The following TMEM200A variants were observed in gnomAD, a reference collection of about 807,000 sequenced individuals.
TMEM200A encodes transmembrane protein 200A, also known as two transmembrane C.
In TMEM200A, 12 loss-of-function variants were observed where a neutral mutation model predicts 24.3. The observed-to-expected ratio is 0.49, with a 90% CI of 0.32 to 0.80. The LOEUF (loss-of-function observed/expected upper bound fraction) is 0.80, where lower values mean the gene tolerates loss of function less well. Ranked by LOEUF, TMEM200A falls within the 30% of genes least tolerant of loss-of-function variation. TMEM200A has a pLI of 0.04. For synonymous variants in TMEM200A, 224 were observed against 224.4 expected, an observed-to-expected ratio of 1.00 and a Z score of 0.02; for missense variants, 545 against 614.4, an observed-to-expected ratio of 0.89 and a Z score of 1.19.
chr6:130,414,345 T>G (rs193229021), intron 2 of TMEM200A, among the ~76,000 whole-genome samples: 1 of 145,872 alleles, frequency 6.9e-6, no homozygotes, highest in Admixed American at 7.1e-5. Context: ...GGCAGGAGAA[T>G]CACTTGAACC....
chr6:130,375,324 A>G (rs971616692), intron 1 of TMEM200A, among the ~76,000 whole-genome samples: 4 of 151,920 alleles, frequency 2.6e-5, no homozygotes, highest in African/African-American at 4.9e-5. Context: ...TTATGCCTAT[A>G]CATTTATTTA....
intron 2 of TMEM200A, among the ~76,000 whole-genome samples, chr6:130,418,384 GCTT>G (rs1398108865): frequency 6.6e-6 from 1 of 152,078 alleles, no homozygotes; most frequent in Non-Finnish European, 1.5e-5. Flanking sequence ...CAAAATTATT[GCTT>G]TTTTCTAGAG....
At chr6:130,382,008 T>C (rs1310769575) in intron 1 of TMEM200A, 1 of 974,818 alleles carries the variant, frequency 1.0e-6, no homozygotes, top group Non-Finnish European at 1.2e-6. Flanking sequence ...TTTAAAGATA[T>C]ATTGTGAACC....
rs1269433993 is a variant in TMEM200A, at chr6:130,378,717, C to T, written c.-80-6456C>T. The stretch of plus-strand genomic sequence containing the variant: ...CAGCCTGGGTGACAGAGTGAGACTC[C>T]GTCTCAAAAAAAAAAAAAAAAAAAA... On this transcript the variant is annotated intron_variant, in intron 1 of 2. Transcript: ENST00000296978. 8.3e-4 allele frequency among the ~76,000 whole-genome samples: 109 copies of T among 130,646 alleles called. 1 individual carries two copies. Among genetic ancestry groups the T allele is most frequent in the Non-Finnish European group, 3.3e-4 (21 of 63,518 alleles). The allele number at this position is 130,646 out of a possible 152,430, so 85.7% of individuals were successfully genotyped here.
At chr6:130,398,853 G>A (rs1779016910) in intron 2 of TMEM200A, among the ~76,000 whole-genome samples, 1 of 151,776 alleles carries the variant, frequency 6.6e-6, no homozygotes, top group African/African-American at 2.4e-5. Context: ...TTGCTATTTA[G>A]TGATTAGTTT....
intron 1 of TMEM200A, among the ~76,000 whole-genome samples, chr6:130,368,120 A>G (rs776972426): frequency 6.6e-6 from 1 of 152,190 alleles, no homozygotes; most frequent in Non-Finnish European, 1.5e-5. Context: ...ACTTAGTGGA[A>G]TTTTTAGTGA....
chr6:130,366,120 C>T lies in TMEM200A; in HGVS notation c.-485C>T, dbSNP rs1270753818. The T allele has an allele frequency of 1.0e-6, 1 of 985,366 alleles. No individual in the cohort carries two copies. The highest frequency in any genetic ancestry group is 1.7e-5 in the African/African-American group (1 of 57,246). The allele number at this position is 985,366 out of a possible 1,614,324, so 61.0% of individuals were successfully genotyped here. A position where few individuals can be genotyped will look rare whatever the true frequency, so the allele number is the denominator to read the frequency against. On this transcript the variant is annotated 5_prime_UTR_variant, in exon 1 of 3. Coordinates refer to ENST00000296978, the MANE Select transcript of TMEM200A (RefSeq NM_001258277.2). The surrounding 1 kb of genome is among the most constrained non-coding windows in gnomAD (Gnocchi z 4.4). ...CTGAGCGGCGACTCCCTCTCCCCTG[C>T]CCGGCTTGCTGCGCCCGGTGCCCTC...
At chr6:130,424,478 A>G (rs1226312678) in intron 2 of TMEM200A, among the ~76,000 whole-genome samples, 1 of 152,046 alleles carries the variant, frequency 6.6e-6, no homozygotes, top group Non-Finnish European at 1.5e-5. Context: ...ATAATTTAAA[A>G]CTTCTTGGCA....
chr6:130,408,823 C>G (rs1411235598), intron 2 of TMEM200A, among the ~76,000 whole-genome samples: 4 of 152,020 alleles, frequency 2.6e-5, no homozygotes, highest in Non-Finnish European at 4.4e-5. Flanking sequence ...GCATTGACAC[C>G]ATTGATGAGG....
intron 1 of TMEM200A, among the ~76,000 whole-genome samples, chr6:130,372,188 G>A (rs1020261481): frequency 7.9e-5 from 12 of 152,110 alleles, no homozygotes; most frequent in Admixed American, 6.6e-5. Flanking sequence ...AGCAGGACAA[G>A]GTCAATATCA....
At chr6:130,411,167 C>CAA (rs530219251) in intron 2 of TMEM200A, among the ~76,000 whole-genome samples, 52 of 130,140 alleles carry the variant, frequency 4.0e-4, no homozygotes, top group Non-Finnish European at 5.7e-4. Flanking sequence ...AACTCCATCT[C>CAA]AAAAAAAAAA....
chr6:130,417,132 T>C lies in TMEM200A; in HGVS notation c.-16-23275T>C, dbSNP rs117746780. ...TGCCTTTCCACTCAAGATTTAGATC[T>C]AAGAAGGTGAGGATCAAGTCTGAGT... On this transcript the variant is annotated intron_variant, in intron 2 of 2. Transcript: ENST00000296978. Among the ~76,000 whole-genome samples the C allele has an allele frequency of 3.2e-3, 493 of 152,304 alleles. 3 individuals carry two copies. The highest frequency in any genetic ancestry group is 5.9e-3 in the Non-Finnish European group (404 of 68,026).
intron 2 of TMEM200A, among the ~76,000 whole-genome samples, chr6:130,398,432 A>G (rs1169849273): frequency 7.2e-6 from 1 of 139,272 alleles, no homozygotes; most frequent in African/African-American, 3.1e-5. Context: ...TGAACATACC[A>G]GTGCATGTGG....
chr6:130,438,539 C>T (rs1166563769), intron 2 of TMEM200A: 1 of 152,152 alleles, frequency 6.6e-6, no homozygotes, highest in Non-Finnish European at 1.5e-5. Context: ...ATTTTACCAA[C>T]TCAGAAAATG....
At chr6:130,414,303 G>A (rs913850750) in intron 2 of TMEM200A, among the ~76,000 whole-genome samples, 1 of 151,596 alleles carries the variant, frequency 6.6e-6, no homozygotes, top group Non-Finnish European at 1.5e-5. Context: ...GTGGTGTTGG[G>A]CGCCTGTAAT....
chr6:130,415,969 T>C (rs1242096414), intron 2 of TMEM200A, among the ~76,000 whole-genome samples: 1 of 152,216 alleles, frequency 6.6e-6, no homozygotes, highest in African/African-American at 2.4e-5. Flanking sequence ...GTGGCTTTTT[T>C]TCTTTTTATC....
At chr6:130,400,061 T>TAC (rs906565489) in intron 2 of TMEM200A, among the ~76,000 whole-genome samples, 5 of 151,734 alleles carry the variant, frequency 3.3e-5, no homozygotes, top group African/African-American at 1.2e-4. Flanking sequence ...TATATATACA[T>TAC]ACACACACAT....
At chr6:130,378,722 CAA>C (rs56819618) in intron 1 of TMEM200A, among the ~76,000 whole-genome samples, 60 of 56,320 alleles carry the variant, frequency 1.1e-3, no homozygotes, top group African/African-American at 2.2e-3. Flanking sequence ...GACTCCGTCT[CAA>C]AAAAAAAAAA....
chr6:130,401,900 A>G (rs1331524292), intron 2 of TMEM200A, among the ~76,000 whole-genome samples: 2 of 151,390 alleles, frequency 1.3e-5, no homozygotes, highest in African/African-American at 2.4e-5. Context: ...TTTATGTCCT[A>G]TTTTTCCATT....
Sources: gnomAD v4.1 joint callset for allele counts (sites outside exome capture counted in the v4.1 genomes callset) on GRCh38, gnomAD v4.1.1 for gene constraint, Gnocchi (gnomAD v3.1) non-coding constraint, MANE v1.5 for transcripts, NCBI Gene and HGNC (gene_info 2026-07-23, HGNC 2026-07-21) for gene names.